Variants in ANKRD13A observed in about 807,000 individuals in gnomAD.
ANKRD13A encodes the protein ankyrin repeat domain 13A.
In ANKRD13A, 48 loss-of-function variants were observed where a neutral mutation model predicts 81.3. The ratio of observed to expected loss-of-function variants is 0.59; its 90% CI spans 0.47 to 0.75. The LOEUF is 0.75. Ranked by LOEUF, ANKRD13A falls within the 30% of genes least tolerant of loss-of-function variation. The pLI is 0.00. For missense variants in ANKRD13A, 612 were observed against 734.0 expected, an observed-to-expected ratio of 0.83 and a Z score of 1.92; for synonymous variants, 230 against 270.1, an observed-to-expected ratio of 0.85 and a Z score of 1.45.
intron 3 of ANKRD13A, among the ~76,000 whole-genome samples, chr12:110,014,646 T>C (rs925542931): frequency 6.6e-6 from 1 of 152,230 alleles, no homozygotes; most frequent in Non-Finnish European, 1.5e-5. Context: ...GGAGGTTGTC[T>C]TTGCTCATCA....
intron 1 of ANKRD13A, among the ~76,000 whole-genome samples, chr12:110,001,874 T>G (rs1458853715): frequency 6.6e-6 from 1 of 152,228 alleles, no homozygotes; most frequent in African/African-American, 2.4e-5. Flanking sequence ...ATACTGATCA[T>G]TTAATTCCTT....
chr12:110,018,611 G>C lies in ANKRD13A; in HGVS notation c.544+123G>C, dbSNP rs1890916413. ...GATCCTTCCTAGGGCATGTTTTTTT[G>C]GTTATTCTTATTAATTATTCAGCTC... is the stretch of plus-strand genomic sequence containing the variant. On this transcript the variant is annotated intron_variant, in intron 5 of 14. Coordinates refer to ENST00000261739, the MANE Select transcript of ANKRD13A (RefSeq NM_033121.2). The surrounding 1 kb of genome is among the most constrained non-coding windows in gnomAD (Gnocchi z 4.4). 6.7e-6 allele frequency: 8 copies of C among 1,190,548 alleles called. No individual in the cohort carries two copies. The highest frequency in any genetic ancestry group is 1.2e-6 in the Non-Finnish European group (1 of 862,894). 73.7% of individuals were successfully genotyped at this position (1,190,548 alleles called of 1,614,324 possible).
Position 110,003,859 on chromosome 12 carries a change from T to TA in ANKRD13A, c.96+4084dup, listed in dbSNP as rs909030224. 3.0e-4 allele frequency among the ~76,000 whole-genome samples: 46 copies of TA among 151,750 alleles called. 1 individual carries two copies. The highest frequency in any genetic ancestry group is 9.9e-4 in the African/African-American group (41 of 41,392). On this transcript the variant is annotated intron_variant, in intron 1 of 14. Transcript: ENST00000261739. ...CCAATATAGTAAGACTCCGTCTCCT[T>TA]AAAAAAAAATTTTTTTTGGCTGGGC...
intron 1 of ANKRD13A, among the ~76,000 whole-genome samples, chr12:110,011,441 A>G (rs1346009792): frequency 2.0e-5 from 3 of 152,218 alleles, no homozygotes; most frequent in Non-Finnish European, 2.9e-5. Flanking sequence ...TTGCGGTCTG[A>G]AGGACCCACA....
rs1189696167 is a variant in ANKRD13A at position 110,036,226 on chromosome 12, G to A, written c.1510-35G>A. On this transcript the variant is annotated intron_variant, in intron 13 of 14. Coordinates refer to ENST00000261739, the MANE Select transcript of ANKRD13A (RefSeq NM_033121.2). This position sits in a 1 kb window ranked among gnomAD's most constrained non-coding sequence, Gnocchi z 4.6. ...CCAGAATGGCACCAATTTCTCCTAA[G>A]ACGTATTCATGTCTATCACATTTGT... 8 of 1,599,304 alleles carry A rather than the reference G, an allele frequency of 5.0e-6. No individual in the cohort carries two copies. In the East Asian group the frequency reaches 1.8e-4, roughly 36 times the overall value.
rs750060989 is a variant in ANKRD13A, at chr12:110,033,801, C to G, written c.1353C>G (p.Ser451=). 121 of 1,595,300 alleles carry G rather than the reference C, an allele frequency of 7.6e-5. No homozygotes were observed. Among genetic ancestry groups the G allele is most frequent in the Non-Finnish European group, 1.0e-4 (118 of 1,169,212 alleles). ...NVEGTQADSA[S]HITNFEVDQS... ...GACGGTTGCCTTTTGTTTCAGCTTC[C>G]CACATCACAAACTTTGAGGTTGATC... The change falls in exon 13 of 15, where the codon TCC becomes TCG. Residue 451 remains serine, a synonymous_variant. Transcript: ENST00000261739.
At chr12:110,000,755 CTTT>C (rs34586781) in intron 1 of ANKRD13A, among the ~76,000 whole-genome samples, 2 of 125,862 alleles carry the variant, frequency 1.6e-5, no homozygotes, top group African/African-American at 3.0e-5. Context: ...TTCTTTCCTT[CTTT>C]TTTTTTTTTT....
chr12:110,017,889 G>A (rs996928362), intron 4 of ANKRD13A, among the ~76,000 whole-genome samples: 21 of 151,404 alleles, frequency 1.4e-4, no homozygotes, highest in African/African-American at 2.2e-4. Context: ...CCAAGATTGC[G>A]CCACTGCACT....
chr12:110,037,241 A>T, intron 14 of ANKRD13A, 118 bp from the exon 15 acceptor site: 1 of 990,336 alleles, frequency 1.0e-6, no homozygotes, highest in Non-Finnish European at 1.5e-6. Context: ...AATTGGCATC[A>T]TGCATATTAA....
intron 12 of ANKRD13A, among the ~76,000 whole-genome samples, chr12:110,031,087 CAA>C (rs933124767): frequency 2.7e-5 from 4 of 150,238 alleles, no homozygotes; most frequent in African/African-American, 4.9e-5. Flanking sequence ...GCCTGGGCAA[CAA>C]GAGCAAAACT....
At chr12:110,015,766 C>T (rs751505145) in intron 3 of ANKRD13A, among the ~76,000 whole-genome samples, 1 of 152,042 alleles carries the variant, frequency 6.6e-6, no homozygotes, top group Non-Finnish European at 1.5e-5. Context: ...AGGCTGGTCT[C>T]GAACTCCTGA....
rs940632522 is a variant in ANKRD13A, at chr12:110,038,143, T to C, written c.*589T>C. ...CCCAGCTAAAGTTAGAGGAGATACATATAGAATCTATTTTAGATTATTGTT... is the reference window on the plus strand; with the variant it reads ...CCCAGCTAAAGTTAGAGGAGATACACATAGAATCTATTTTAGATTATTGTT... On this transcript the variant is annotated 3_prime_UTR_variant, in exon 15 of 15. Coordinates refer to ENST00000261739, the MANE Select transcript of ANKRD13A (RefSeq NM_033121.2). The C allele has an allele frequency of 3.9e-5, 6 of 152,710 alleles. No homozygotes were observed. Among genetic ancestry groups the C allele is most frequent in the African/African-American group, 1.4e-4 (6 of 41,466 alleles). The allele number at this position is 152,710 out of a possible 1,614,324, so 9.5% of individuals were successfully genotyped here. A position where few individuals can be genotyped will look rare whatever the true frequency, so the allele number is the denominator to read the frequency against.
chr12:110,038,364 G>A lies in ANKRD13A; in HGVS notation c.*810G>A, dbSNP rs1456161113. 6.6e-6 allele frequency: 1 copy of A among 152,602 alleles called. No individual in the cohort carries two copies. The highest frequency in any genetic ancestry group is 1.5e-5 in the Non-Finnish European group (1 of 68,046). The allele number at this position is 152,602 out of a possible 1,614,324, so 9.5% of individuals were successfully genotyped here. A position where few individuals can be genotyped will look rare whatever the true frequency, so the allele number is the denominator to read the frequency against. ...ATCCTGTCCCTGAAGGAGCAGCTAG[G>A]GGAACCTGAGGCTTGTTCTTGAAGT... On this transcript the variant is annotated 3_prime_UTR_variant, in exon 15 of 15. Coordinates refer to ENST00000261739, the MANE Select transcript of ANKRD13A (RefSeq NM_033121.2).
At chr12:110,006,821 C>G (rs929236530) in intron 1 of ANKRD13A, among the ~76,000 whole-genome samples, 1 of 152,182 alleles carries the variant, frequency 6.6e-6, no homozygotes, top group Non-Finnish European at 1.5e-5. Context: ...ATCTCGAACT[C>G]CCTACCTCAG....
intron 9 of ANKRD13A, chr12:110,028,034 T>C (rs1450999656): frequency 2.2e-6 from 1 of 458,308 alleles, no homozygotes; most frequent in Non-Finnish European, 3.9e-6. Flanking sequence ...TTTATAGAAA[T>C]GGAACTTAAA....
At chr12:110,006,726 A>AGCTGGGATT (rs1890260774) in intron 1 of ANKRD13A, among the ~76,000 whole-genome samples, 1 of 151,938 alleles carries the variant, frequency 6.6e-6, no homozygotes, top group South Asian at 2.1e-4. Context: ...CCTCCCGAGT[A>AGCTGGGATT]GCTGGGATTA....
rs1890929880 is a variant in ANKRD13A, at chr12:110,018,895, T to C, written c.545-244T>C. ...TGATGGAATATATTGCTAATAAGAA[T>C]GCAGATTATTAAGAAAAATTCCGCA... is the stretch of plus-strand genomic sequence containing the variant. On this transcript the variant is annotated intron_variant, in intron 5 of 14. Coordinates refer to ENST00000261739, the MANE Select transcript of ANKRD13A (RefSeq NM_033121.2). The surrounding 1 kb of genome is among the most constrained non-coding windows in gnomAD (Gnocchi z 4.4). Among the ~76,000 whole-genome samples, 1 of 152,246 alleles carries C rather than the reference T, an allele frequency of 6.6e-6. No individual in the cohort carries two copies. The highest frequency in any genetic ancestry group is 1.5e-5 in the Non-Finnish European group (1 of 68,038).
chr12:110,027,988 T>A (rs1042874918), intron 9 of ANKRD13A: 36 of 554,774 alleles, frequency 6.5e-5, no homozygotes, highest in Non-Finnish European at 9.3e-5. Flanking sequence ...AGAAATCAGG[T>A]GCTTTCCCTC....
At chr12:110,002,693 G>A (rs1890041884) in intron 1 of ANKRD13A, among the ~76,000 whole-genome samples, 1 of 152,202 alleles carries the variant, frequency 6.6e-6, no homozygotes, top group South Asian at 2.1e-4. Context: ...TTGTTTGCTG[G>A]TGAGTTTCTG....
Sources: allele counts gnomAD v4.1 joint callset (sites outside exome capture counted in the v4.1 genomes callset), GRCh38; gene constraint gnomAD v4.1.1; non-coding constraint Gnocchi (gnomAD v3.1); transcripts MANE v1.5; gene names NCBI Gene and HGNC (gene_info 2026-07-23, HGNC 2026-07-21).